TRRAP: variants seen among roughly 807,000 people sequenced by gnomAD.
The protein encoded by TRRAP is transformation/transcription domain associated protein, also known as transformation/transcription domain-associated protein.
TRRAP carries 41 observed loss-of-function variants against 438.8 expected under a neutral mutation model. That is an observed-to-expected ratio of 0.09 (90% CI 0.07 to 0.12). The LOEUF (loss-of-function observed/expected upper bound fraction) is 0.12, where lower values mean the gene tolerates loss of function less well. TRRAP is among the 10% of genes least tolerant of loss of function. TRRAP has a pLI of 1.00. For missense variants in TRRAP, 3,122 were observed against 5,055.1 expected, an observed-to-expected ratio of 0.62 and a Z score of 11.60; for synonymous variants, 1,994 against 1,962.9, an observed-to-expected ratio of 1.02 and a Z score of -0.42.
intron 22 of TRRAP, among the ~76,000 whole-genome samples, chr7:98,925,923 C>A (rs1267125978): frequency 2.0e-5 from 3 of 152,076 alleles, no homozygotes; most frequent in African/African-American, 7.2e-5. Context: ...CCAGCAGAAT[C>A]AATGGAAGGC....
At chr7:98,963,580 T>A (rs1285028477) in intron 47 of TRRAP, among the ~76,000 whole-genome samples, 1 of 151,810 alleles carries the variant, frequency 6.6e-6, no homozygotes, top group East Asian at 1.9e-4. Flanking sequence ...AGCCGTCTGC[T>A]CCATAGAGGA....
chr7:98,993,628 G>T lies in TRRAP; in HGVS notation c.9938G>T (p.Arg3313Leu). The change falls in exon 66 of 73, where the codon CGC becomes CTC. Residue 3313 changes from arginine (R) to leucine (L), a missense_variant. Around this residue, in one of 24 missense-constraint regions of TRRAP, gnomAD observed 107 missense variants for 327.5 expected, o/e 0.33. Transcript: ENST00000456197. ...ATAAGAGCAACAGCACCCATGTGGC[G>T]CTGCAGCCGAATCATGCACATGCAG... Reference protein sequence around the residue: ...GPIRATAPMWRCSRIMHMQRE... With the variant: ...GPIRATAPMWLCSRIMHMQRE... The T allele has an allele frequency of 6.2e-7, 1 of 1,614,198 alleles. No homozygotes were observed. The highest frequency in any genetic ancestry group is 8.5e-7 in the Non-Finnish European group (1 of 1,180,042).
chr7:98,961,534 C>A, intron 46 of TRRAP, 60 bp downstream of exon 46: 1 of 1,578,264 alleles, frequency 6.3e-7, no homozygotes, highest in South Asian at 1.1e-5. Context: ...GCGGAGCTTG[C>A]TATGAGAGCG....
intron 56 of TRRAP, among the ~76,000 whole-genome samples, 172 bp from the exon 57 acceptor site, chr7:98,978,039 G>A (rs1792746878): frequency 6.6e-6 from 1 of 152,190 alleles, no homozygotes; most frequent in African/African-American, 2.4e-5. Context: ...AGCTACTCAG[G>A]GAGTCTGAGG....
chr7:98,952,521 A>G (rs1297127819), intron 39 of TRRAP, among the ~76,000 whole-genome samples: 2 of 152,182 alleles, frequency 1.3e-5, no homozygotes, highest in Non-Finnish European at 2.9e-5. Flanking sequence ...TAAATGTTGA[A>G]TTTGGTGAAT....
Position 98,984,301 on chromosome 7 carries a change from G to A in TRRAP, c.9231G>A (p.Gln3077=), listed in dbSNP as rs758305997. ...TGGATTGCTTCCAGAAGATTCGACA[G>A]CAAGTTAAATGCTACCTCCAGCTGG... ...PIVDCFQKIR[Q]QVKCYLQLAG... is the part of the protein sequence containing the mutation. Residue 3077 remains glutamine, a synonymous_variant, in exon 61 of 73, where the codon CAG becomes CAA. Coordinates refer to ENST00000456197, the MANE Select transcript of TRRAP (RefSeq NM_001375524.1). 2.5e-6 allele frequency: 4 copies of A among 1,607,422 alleles called. No individual in the cohort carries two copies. Among genetic ancestry groups the A allele is most frequent in the Non-Finnish European group, 3.4e-6 (4 of 1,176,178 alleles).
rs1554410626 is a variant in TRRAP at position 98,921,859 on chromosome 7, A to G, written c.2729A>G (p.Gln910Arg). 6.2e-7 allele frequency: 1 copy of G among 1,614,250 alleles called. No individual in the cohort carries two copies. The change falls in exon 21 of 73, where the codon CAG (glutamine) becomes CGG (arginine). Residue 910 changes from glutamine to arginine, a missense_variant. Around this residue, in one of 24 missense-constraint regions of TRRAP, gnomAD observed 133 missense variants for 188.6 expected, o/e 0.71. Coordinates refer to ENST00000456197, the MANE Select transcript of TRRAP (RefSeq NM_001375524.1). ...AACAGGAAGATGCTGAAGGAGTCGC[A>G]GAAGCTGCACTACGTTGTGACCGAG... is the stretch of plus-strand genomic sequence containing the variant. ...GSNRKMLKES[Q>R]KLHYVVTEVQ... is the part of the protein sequence containing the mutation.
intron 6 of TRRAP, among the ~76,000 whole-genome samples, chr7:98,895,488 T>C (rs917624929): frequency 3.3e-5 from 5 of 152,230 alleles, no homozygotes; most frequent in African/African-American, 1.2e-4. Context: ...GCATTGTGTA[T>C]TACTATTTTG....
intron 6 of TRRAP, among the ~76,000 whole-genome samples, chr7:98,894,796 T>G (rs1014701453): frequency 4.1e-4 from 60 of 144,810 alleles, no homozygotes; most frequent in African/African-American, 1.3e-3. Context: ...TTTTTTTTTT[T>G]TTTTTTTTTT....
At chr7:98,883,922 A>G (rs1276048485) in intron 3 of TRRAP, among the ~76,000 whole-genome samples, 2 of 152,194 alleles carry the variant, frequency 1.3e-5, no homozygotes, top group Admixed American at 6.5e-5. Flanking sequence ...CGTAGTAGGC[A>G]GTTCAGTTAC....
rs1793268572 is a variant in TRRAP at position 98,988,928 on chromosome 7, C to T, written c.9553C>T (p.His3185Tyr). 1 of 1,613,908 alleles carries T rather than the reference C, an allele frequency of 6.2e-7. No homozygotes were observed. The highest frequency in any genetic ancestry group is 1.3e-5 in the African/African-American group (1 of 74,904). ...AITCYLHACRHQNESKSRKYL... is the reference protein window; with the variant it reads ...AITCYLHACRYQNESKSRKYL... ...CACCTGCTACCTGCACGCCTGCCGG[C>T]ATCAGAACGAGAGCAAATCGAGGAA... The change falls in exon 63 of 73, where the codon CAT (histidine) becomes TAT (tyrosine). Residue 3185 changes from histidine (H) to tyrosine (Y), a missense_variant. By Grantham distance (83) the His-to-Tyr change is moderately conservative (BLOSUM62 2). Coordinates refer to ENST00000456197, the MANE Select transcript of TRRAP (RefSeq NM_001375524.1).
At chr7:98,892,609 A>G in intron 5 of TRRAP, 81 bp downstream of exon 5, 1 of 1,209,284 alleles carries the variant, frequency 8.3e-7, no homozygotes, top group Non-Finnish European at 1.2e-6. Context: ...TTTCAGCATT[A>G]TACAACTGTT....
rs1795405627 is a variant in TRRAP, at chr7:98,881,069, ACT to A, written c.-61-18_-61-17del. ...TCCTGTGCCCTCCATAAATTGACTA[ACT>A]CTATGCTTCTTTTCATAGGCTGGTT... is the stretch of plus-strand genomic sequence containing the variant. On this transcript the variant is annotated intron_variant, in intron 1 of 72. Coordinates refer to ENST00000456197, the MANE Select transcript of TRRAP (RefSeq NM_001375524.1). 2.6e-5 allele frequency: 32 copies of A among 1,219,542 alleles called. No individual in the cohort carries two copies. In the South Asian group the frequency reaches 4.6e-4, roughly 17 times the overall value. 75.5% of individuals were successfully genotyped at this position (1,219,542 alleles called of 1,614,324 possible).
intron 60 of TRRAP, 66 bp downstream of exon 60, chr7:98,983,525 C>T (rs752218717): frequency 3.0e-5 from 48 of 1,575,206 alleles, no homozygotes; most frequent in South Asian, 1.9e-4. Context: ...GTTCTGGTTT[C>T]GTCTCTGTGT....
chr7:98,990,987 A>G (rs1427803280), intron 64 of TRRAP, among the ~76,000 whole-genome samples: 2 of 152,148 alleles, frequency 1.3e-5, no homozygotes, highest in African/African-American at 4.8e-5. Context: ...ATTTTTTGTC[A>G]TATGCTGGGA....
Position 98,929,133 on chromosome 7 carries a change from G to A in TRRAP, c.3176-856G>A, listed in dbSNP as rs533319742. Among the ~76,000 whole-genome samples the A allele has an allele frequency of 9.2e-5, 14 of 152,022 alleles. No homozygotes were observed. The South Asian group carries it at 2.5e-3, about 27-fold the overall frequency. ...TTTTTGGTATTTTTAGTAGAGACGGGGTTTCACCACATTGGTCAGGCTGGT... is the reference window on the plus strand; with the variant it reads ...TTTTTGGTATTTTTAGTAGAGACGGAGTTTCACCACATTGGTCAGGCTGGT... On this transcript the variant is annotated intron_variant, in intron 23 of 72. Coordinates refer to ENST00000456197, the MANE Select transcript of TRRAP (RefSeq NM_001375524.1).
chr7:98,948,547 A>T lies in TRRAP; in HGVS notation c.4669-19A>T. 6.2e-7 allele frequency: 1 copy of T among 1,614,228 alleles called. No homozygotes were observed. ...AGAAGAGGAAGTTGTGAGATGCAGCATTCCCACATGTTTTGCAGGCGGGGA... is the reference window on the plus strand; with the variant it reads ...AGAAGAGGAAGTTGTGAGATGCAGCTTTCCCACATGTTTTGCAGGCGGGGA... On this transcript the variant is annotated intron_variant, in intron 34 of 72. Transcript: ENST00000456197. The surrounding 1 kb of genome is among the most constrained non-coding windows in gnomAD (Gnocchi z 4.9).
In TRRAP at chr7:98,994,604, A is replaced by G. The variant is rs371986022; in HGVS notation, c.10065A>G (p.Gln3355=). The change falls in exon 67 of 73, where the codon CAA becomes CAG. Residue 3355 remains glutamine (Q), a synonymous_variant. Coordinates refer to ENST00000456197, the MANE Select transcript of TRRAP (RefSeq NM_001375524.1). This position sits in a 1 kb window ranked among gnomAD's most constrained non-coding sequence, Gnocchi z 4.8. ...NWHEEVLRQL[Q]QGLAKCYSVA... is the part of the protein sequence containing the mutation. ...TCTACCAGGTTCTCAGGCAGCTCCA[A>G]CAGGGCCTGGCGAAATGTTACTCCG... The G allele has an allele frequency of 3.1e-5, 50 of 1,613,988 alleles. No homozygotes were observed. The African/African-American group carries it at 5.6e-4, about 18-fold the overall frequency.
rs1554406020 is a variant in TRRAP, at chr7:98,897,814, C to T, written c.581C>T (p.Thr194Ile). 6.2e-7 allele frequency: 1 copy of T among 1,613,904 alleles called. No homozygotes were observed. ...CCCCCAGAAATGGTTGGTATGATAACAACGATTGCTGTGAAAGTCAACCCG... is the reference window on the plus strand; with the variant it reads ...CCCCCAGAAATGGTTGGTATGATAATAACGATTGCTGTGAAAGTCAACCCG... ...VPPPEMVGMI[T>I]TIAVKVNPER... The change falls in exon 8 of 73, where the codon ACA (threonine) becomes ATA (isoleucine). Residue 194 changes from threonine to isoleucine, a missense_variant. By Grantham distance (89) the Thr-to-Ile change is moderately conservative. Coordinates refer to ENST00000456197, the MANE Select transcript of TRRAP (RefSeq NM_001375524.1).
Sources: allele counts gnomAD v4.1 joint callset (sites outside exome capture counted in the v4.1 genomes callset), GRCh38; gene constraint gnomAD v4.1.1; regional missense constraint gnomAD v4.1.1; non-coding constraint Gnocchi (gnomAD v3.1); transcripts MANE v1.5; gene names NCBI Gene and HGNC (gene_info 2026-07-23, HGNC 2026-07-21).